Variants in DLC1 observed in about 807,000 individuals in gnomAD.
The protein encoded by DLC1 is DLC1 Rho GTPase activating protein.
DLC1 carries 54 observed loss-of-function variants against 140.3 expected under a neutral mutation model. That is an observed-to-expected ratio of 0.38 (90% CI 0.31 to 0.48). The LOEUF (loss-of-function observed/expected upper bound fraction) is 0.48. Among genes scored for constraint, DLC1 ranks in the 20% least tolerant of loss-of-function variants. DLC1 has a pLI of 0.96. For synonymous variants in DLC1, 986 were observed against 728.1 expected (o/e 1.35, Z -5.70); for missense variants, 2,536 against 1,907.0 (o/e 1.33, Z -6.14).
intron 2 of DLC1, among the ~76,000 whole-genome samples, chr8:13,426,143 A>G (rs1159321950): frequency 2.0e-5 from 3 of 152,158 alleles, no homozygotes; most frequent in Non-Finnish European, 4.4e-5. Context: ...TTTGGCAAGG[A>G]AGAATCTGAT....
intron 12 of DLC1, 81 bp from the exon 13 acceptor site, chr8:13,092,906 G>A (rs556436721): frequency 1.4e-6 from 2 of 1,447,082 alleles, no homozygotes; most frequent in African/African-American, 1.4e-5. Context: ...GCAAATATCG[G>A]CATCAAATAC....
chr8:13,226,307 A>G (rs1430994130), intron 5 of DLC1, among the ~76,000 whole-genome samples: 1 of 152,242 alleles, frequency 6.6e-6, no homozygotes, highest in Non-Finnish European at 1.5e-5. Flanking sequence ...ACTTTCAGAT[A>G]TATTTTTATA....
intron 5 of DLC1, among the ~76,000 whole-genome samples, chr8:13,197,303 T>G (rs1212724068): frequency 6.6e-6 from 1 of 152,154 alleles, no homozygotes. Context: ...CCCTAATTAG[T>G]AACTATTTAA....
At chr8:13,552,111 GTATATATATATATATATA>G (rs3066465) in intron 1 of DLC1, among the ~76,000 whole-genome samples, 7 of 54,530 alleles carry the variant, frequency 1.3e-4, no homozygotes, top group South Asian at 1.4e-3. Flanking sequence ...GTCTAGAGGT[GTATATATATATATATATA>G]TATATATATA....
chr8:13,433,105 G>A (rs1388124025), intron 2 of DLC1, among the ~76,000 whole-genome samples: 1 of 152,128 alleles, frequency 6.6e-6, no homozygotes, highest in Non-Finnish European at 1.5e-5. Context: ...GATGAGATGA[G>A]ATGCAAAGTA....
At position 13,597,786 on chromosome 8, in the gene DLC1, C is replaced by T. The variant is rs932030960; in HGVS notation, c.-126+6751G>A. On this transcript the variant is annotated intron_variant, in intron 1 of 1. Transcript: ENST00000631382. ...GCTAACCCCTACTCAAAATACATTT[C>T]ATAACTGCACAGAAGGACTGAGTAA... Among the ~76,000 whole-genome samples, 15 of 152,066 alleles carry T rather than the reference C, an allele frequency of 9.9e-5. 1 individual carries two copies. Among genetic ancestry groups the T allele is most frequent in the Admixed American group, 9.2e-4 (14 of 15,218 alleles).
intron 1 of DLC1, 61 bp from the exon 2 acceptor site, chr8:13,500,257 T>A: frequency 1.9e-6 from 1 of 526,578 alleles, no homozygotes; most frequent in Non-Finnish European, 3.3e-6. Flanking sequence ...AAAATATATC[T>A]TAGAAAAGAG....
chr8:13,425,210 G>A (rs758181217), intron 2 of DLC1, among the ~76,000 whole-genome samples: 1 of 151,934 alleles, frequency 6.6e-6, no homozygotes, highest in Non-Finnish European at 1.5e-5. Context: ...CAAACTCTTC[G>A]GCTCCTCTTG....
At chr8:13,191,976 C>T (rs919021267) in intron 5 of DLC1, among the ~76,000 whole-genome samples, 2 of 148,020 alleles carry the variant, frequency 1.4e-5, no homozygotes, top group African/African-American at 5.1e-5. Flanking sequence ...GAGTCTTGCT[C>T]TGTTGCCCAG....
Position 13,085,193 on chromosome 8 carries a change from G to A in DLC1, c.*618C>T, listed in dbSNP as rs1234762264. 1 of 152,496 alleles carries A rather than the reference G, an allele frequency of 6.6e-6. No homozygotes were observed. The highest frequency in any genetic ancestry group is 1.5e-5 in the Non-Finnish European group (1 of 68,054). 9.4% of individuals were successfully genotyped at this position (152,496 alleles called of 1,614,324 possible). On this transcript the variant is annotated 3_prime_UTR_variant, in exon 18 of 18. Transcript: ENST00000276297. ...AAAAAATACCCATAAATGGACAAGG[G>A]TGTTGGGCCCCCTTTCTGGGTGGAT...
chr8:13,439,669 G>C (rs984750464), intron 2 of DLC1, among the ~76,000 whole-genome samples: 3 of 151,852 alleles, frequency 2.0e-5, no homozygotes, highest in African/African-American at 7.3e-5. Context: ...TATTACTTTG[G>C]AGATTTAGAG....
intron 5 of DLC1, chr8:13,160,075 T>C (rs1239841264): frequency 6.6e-6 from 1 of 152,230 alleles, no homozygotes; most frequent in Non-Finnish European, 1.5e-5. Context: ...GGAGAATCGC[T>C]TGAGCCCAAG....
intron 1 of DLC1, among the ~76,000 whole-genome samples, chr8:13,543,068 G>C (rs1034421469): frequency 6.6e-6 from 1 of 152,022 alleles, no homozygotes; most frequent in African/African-American, 2.4e-5. Context: ...ATTTGACAGT[G>C]ATTTTATAAA....
intron 7 of DLC1, among the ~76,000 whole-genome samples, chr8:13,110,208 A>G (rs1819963476): frequency 6.6e-6 from 1 of 152,194 alleles, no homozygotes; most frequent in Admixed American, 6.5e-5. Context: ...CACAATGATC[A>G]AGAATTTCTG....
intron 5 of DLC1, among the ~76,000 whole-genome samples, chr8:13,122,249 G>A (rs1487305371): frequency 6.6e-6 from 1 of 152,194 alleles, no homozygotes; most frequent in South Asian, 2.1e-4. Flanking sequence ...AGCCTTCACA[G>A]TTTGGCATCT....
chr8:13,277,996 G>C (rs1210949527), intron 5 of DLC1, among the ~76,000 whole-genome samples: 2 of 152,222 alleles, frequency 1.3e-5, no homozygotes, highest in East Asian at 3.8e-4. Flanking sequence ...AAAATAGTGA[G>C]ATTGTGCTCA....
chr8:13,274,085 A>G (rs1307701399), intron 5 of DLC1, among the ~76,000 whole-genome samples: 6 of 152,194 alleles, frequency 3.9e-5, no homozygotes, highest in Non-Finnish European at 7.3e-5. Flanking sequence ...AGGACATATA[A>G]CAAAGATTTT....
chr8:13,348,379 A>G (rs1457116569), intron 4 of DLC1, among the ~76,000 whole-genome samples: 1 of 152,196 alleles, frequency 6.6e-6, no homozygotes, highest in Admixed American at 6.5e-5. Context: ...AGCCACACAC[A>G]AGGTAAATAT....
rs1405036356 is a variant in DLC1 at position 13,091,411 on chromosome 8, A to T, written c.3762T>A (p.Ser1254Arg). 6.2e-7 allele frequency: 1 copy of T among 1,614,006 alleles called. No individual in the cohort carries two copies. The highest frequency in any genetic ancestry group is 1.7e-5 in the Admixed American group (1 of 59,984). ...AATCTTTCTGATCTGGTTTGCCCAAACTTTGTTTTCTTTGCATTACCCTAG... is the reference window on the plus strand; with the variant it reads ...AATCTTTCTGATCTGGTTTGCCCAATCTTTGTTTTCTTTGCATTACCCTAG... Reference protein sequence around the residue: ...SSPRVMQRKQSLGKPDQKDLN... With the variant: ...SSPRVMQRKQRLGKPDQKDLN... The change falls in exon 14 of 18, where the codon AGT (serine) becomes AGA (arginine). Residue 1254 changes from serine (S) to arginine (R), a missense_variant. Ser to Arg is a moderately radical substitution (Grantham distance 110). Coordinates refer to ENST00000276297, the MANE Select transcript of DLC1 (RefSeq NM_182643.3).
Sources: gnomAD v4.1 joint callset for allele counts (sites outside exome capture counted in the v4.1 genomes callset) on GRCh38, gnomAD v4.1.1 for gene constraint, MANE v1.5 for transcripts, NCBI Gene and HGNC (gene_info 2026-07-23, HGNC 2026-07-21) for gene names.